FUBP3: variants seen among roughly 807,000 people sequenced by gnomAD.
The protein encoded by FUBP3 is far upstream element-binding protein 3.
In FUBP3, 28 loss-of-function variants were observed where a neutral mutation model predicts 85.6. The ratio of observed to expected loss-of-function variants is 0.33; its 90% CI spans 0.24 to 0.45. The LOEUF (loss-of-function observed/expected upper bound fraction) is 0.45, where lower values mean the gene tolerates loss of function less well. Ranked by LOEUF, FUBP3 falls within the 20% of genes least tolerant of loss-of-function variation. The probability of loss-of-function intolerance (pLI) is 1.00; values close to 1 mark genes in which losing one functional copy is unlikely to be tolerated. For synonymous variants in FUBP3, 271 were observed against 271.4 expected, an observed-to-expected ratio of 1.00 and a Z score of 0.01; for missense variants, 583 against 755.1, an observed-to-expected ratio of 0.77 and a Z score of 2.67.
chr9:130,632,158 G>T, intron 15 of FUBP3, 44 bp from the exon 16 acceptor site: 1 of 1,528,698 alleles, frequency 6.5e-7, no homozygotes, highest in South Asian at 1.1e-5. Flanking sequence ...CGACAGGGGT[G>T]ACTTGCCCCC....
intron 1 of FUBP3, chr9:130,581,520 G>C (rs2118990870): frequency 6.6e-6 from 1 of 152,284 alleles, no homozygotes; most frequent in South Asian, 2.1e-4. Context: ...CCAGGTTGGT[G>C]GGTAATTTTA....
At chr9:130,622,671 G>T in intron 9 of FUBP3, 37 bp from the exon 10 acceptor site, 1 of 1,019,288 alleles carries the variant, frequency 9.8e-7, no homozygotes, top group Non-Finnish European at 1.5e-6. Context: ...ACAGGTTTGT[G>T]AAAAGTTCTG....
intron 1 of FUBP3, among the ~76,000 whole-genome samples, chr9:130,590,925 G>A (rs182003338): frequency 2.0e-5 from 3 of 151,478 alleles, no homozygotes; most frequent in East Asian, 3.9e-4. Context: ...TTGAATCTTC[G>A]ACATACCATT....
intron 6 of FUBP3, among the ~76,000 whole-genome samples, chr9:130,615,534 A>C (rs1419276993): frequency 6.6e-6 from 1 of 151,742 alleles, no homozygotes; most frequent in Non-Finnish European, 1.5e-5. Context: ...CAATTTAGAG[A>C]ATCAATACGA....
intron 12 of FUBP3, 105 bp from the exon 13 acceptor site, chr9:130,630,523 G>A (rs933895293): frequency 2.3e-6 from 2 of 865,498 alleles, no homozygotes; most frequent in Non-Finnish European, 3.4e-6. Context: ...AAGTGCCGAC[G>A]TGCACAAAAT....
At chr9:130,590,391 T>G (rs1830572650) in intron 1 of FUBP3, among the ~76,000 whole-genome samples, 1 of 152,210 alleles carries the variant, frequency 6.6e-6, no homozygotes. Context: ...TTCTCTGAGT[T>G]TCCACTAACT....
In FUBP3 at chr9:130,598,602, A is replaced by G. The variant is rs937950753; in HGVS notation, c.190+3014A>G. Among the ~76,000 whole-genome samples, 4 of 152,246 alleles carry G rather than the reference A, an allele frequency of 2.6e-5. No homozygotes were observed. In the South Asian group the frequency reaches 6.2e-4, roughly 24 times the overall value. ...CTAAGGCAAAAATGCAGTTAATGCAATCATCCCTATTTGGCCTAGGGAATC... is the reference window on the plus strand; with the variant it reads ...CTAAGGCAAAAATGCAGTTAATGCAGTCATCCCTATTTGGCCTAGGGAATC... On this transcript the variant is annotated intron_variant, in intron 2 of 18. Coordinates refer to ENST00000319725, the MANE Select transcript of FUBP3 (RefSeq NM_003934.2).
At chr9:130,599,951 C>T (rs918063699) in intron 2 of FUBP3, among the ~76,000 whole-genome samples, 3 of 152,190 alleles carry the variant, frequency 2.0e-5, no homozygotes, top group South Asian at 2.1e-4. Flanking sequence ...TGTCTCCTCT[C>T]TCCCCTCACC....
intron 1 of FUBP3, among the ~76,000 whole-genome samples, chr9:130,591,272 A>G (rs1011748342): frequency 6.6e-6 from 1 of 151,978 alleles, no homozygotes; most frequent in Non-Finnish European, 1.5e-5. Flanking sequence ...GTGAAACCCC[A>G]TTTCTACTAA....
At chr9:130,633,285 ACT>A (rs1161857293) in intron 16 of FUBP3, among the ~76,000 whole-genome samples, 1 of 151,862 alleles carries the variant, frequency 6.6e-6, no homozygotes, top group Non-Finnish European at 1.5e-5. Flanking sequence ...ATCTTAGAAC[ACT>A]CTGCAGTGAG....
intron 2 of FUBP3, among the ~76,000 whole-genome samples, chr9:130,601,405 A>AT (rs988640359): frequency 5.3e-5 from 8 of 152,050 alleles, no homozygotes; most frequent in African/African-American, 1.9e-4. Flanking sequence ...CCTCAGGAGC[A>AT]TTTTTAGGAG....
chr9:130,601,801 ATTTTT>A (rs113638192), intron 2 of FUBP3, among the ~76,000 whole-genome samples: 9,914 of 117,408 alleles, frequency 0.084, 495 homozygotes, highest in African/African-American at 0.16. Context: ...ATAATTCCTA[ATTTTT>A]TTTTTTTTTT....
intron 1 of FUBP3, 84 bp from the exon 2 acceptor site, chr9:130,595,399 G>T (rs1830821095): frequency 1.3e-6 from 1 of 776,414 alleles, no homozygotes; most frequent in Non-Finnish European, 2.4e-6. Flanking sequence ...TGGGATAATA[G>T]CCCTTTAAAG....
chr9:130,613,792 C>T (rs963328889), intron 5 of FUBP3, among the ~76,000 whole-genome samples: 6 of 152,156 alleles, frequency 3.9e-5, no homozygotes, highest in Non-Finnish European at 8.8e-5. Flanking sequence ...TAGAAAGTAA[C>T]GTGTTTCTCT....
chr9:130,595,690 C>A, intron 2 of FUBP3, 102 bp downstream of exon 2: 1 of 756,178 alleles, frequency 1.3e-6, no homozygotes, highest in South Asian at 1.4e-5. Context: ...AAGTGTCACT[C>A]TGTTGAGAAG....
At position 130,619,951 on chromosome 9, in the gene FUBP3, A is replaced by G. The variant is rs545286210; in HGVS notation, c.667-403A>G. 1.1e-4 allele frequency among the ~76,000 whole-genome samples: 16 copies of G among 152,352 alleles called. No homozygotes were observed. The South Asian group carries it at 3.3e-3, about 32-fold the overall frequency. On this transcript the variant is annotated intron_variant, in intron 8 of 18. Coordinates refer to ENST00000319725, the MANE Select transcript of FUBP3 (RefSeq NM_003934.2). ...TTCTCTGTCTCATGGACCTGCCCTC[A>G]GTGGGCGCTCTTAGACACCCCTTCC...
At chr9:130,625,156 C>G (rs1010669161) in intron 11 of FUBP3, among the ~76,000 whole-genome samples, 1 of 152,206 alleles carries the variant, frequency 6.6e-6, no homozygotes, top group African/African-American at 2.4e-5. Context: ...TTGCAGTGAG[C>G]CAGGATCCTG....
intron 9 of FUBP3, among the ~76,000 whole-genome samples, chr9:130,621,118 G>A (rs1282140080): frequency 6.6e-6 from 1 of 152,266 alleles, no homozygotes; most frequent in Middle Eastern, 3.4e-3. Flanking sequence ...GTACTTACAA[G>A]TGGTTAAATG....
At position 130,635,783 on chromosome 9, in the gene FUBP3, T is replaced by C; in HGVS notation, c.1583-216T>C. 1 of 538,210 alleles carries C rather than the reference T, an allele frequency of 1.9e-6. No homozygotes were observed. Among genetic ancestry groups the C allele is most frequent in the Non-Finnish European group, 3.3e-6 (1 of 303,820 alleles). 33.3% of individuals were successfully genotyped at this position (538,210 alleles called of 1,614,324 possible). The stretch of plus-strand genomic sequence containing the variant: ...CGCAGAGAGAAGGCAGGCGTGAGGA[T>C]TGGTCTTCACAGGCATAGCAGGGGC... On this transcript the variant is annotated intron_variant, in intron 17 of 18. Transcript: ENST00000319725. The surrounding 1 kb of genome is among the most constrained non-coding windows in gnomAD (Gnocchi z 4.3).
Sources: allele counts gnomAD v4.1 joint callset (sites outside exome capture counted in the v4.1 genomes callset), GRCh38; gene constraint gnomAD v4.1.1; non-coding constraint Gnocchi (gnomAD v3.1); transcripts MANE v1.5; gene names NCBI Gene and HGNC (gene_info 2026-07-23, HGNC 2026-07-21).